ZNF729: variants seen among roughly 807,000 people sequenced by gnomAD.
The protein encoded by ZNF729 is zinc finger protein 729.
In ZNF729, 15 loss-of-function variants were observed where a neutral mutation model predicts 12.2. That is an observed-to-expected ratio of 1.23 (90% CI 0.82 to 1.89). ZNF729 has a LOEUF of 1.89. Among genes scored for constraint, ZNF729 ranks in the 40% most tolerant of loss-of-function variants. ZNF729 has a pLI of 0.00. For synonymous variants in ZNF729, 492 were observed against 476.3 expected (o/e 1.03, Z -0.43); for missense variants, 1,540 against 1,456.7 (o/e 1.06, Z -0.93).
chr19:22,289,829 C>A (rs1473655216), intron 1 of ZNF729, among the ~76,000 whole-genome samples: 1 of 152,122 alleles, frequency 6.6e-6, no homozygotes, highest in Non-Finnish European at 1.5e-5. Context: ...GAGTTTCATG[C>A]TAAATTTTAT....
At chr19:22,311,987 T>G (rs1038843379) in intron 3 of ZNF729, among the ~76,000 whole-genome samples, 1 of 152,198 alleles carries the variant, frequency 6.6e-6, no homozygotes, top group Non-Finnish European at 1.5e-5. Context: ...TAAAGTATAT[T>G]TTGTCATATG....
chr19:22,286,579 C>G, intron 1 of ZNF729, 24 bp downstream of exon 1: 1 of 1,613,948 alleles, frequency 6.2e-7, no homozygotes, highest in Non-Finnish European at 8.5e-7. Flanking sequence ...GTCCGACATC[C>G]CGAGAAGGGG....
chr19:22,290,800 T>C (rs1339544648), intron 1 of ZNF729, among the ~76,000 whole-genome samples: 1 of 152,150 alleles, frequency 6.6e-6, no homozygotes, highest in Non-Finnish European at 1.5e-5. Context: ...TGTCTGGCTA[T>C]GTGACAGGTA....
At chr19:22,308,718 TG>T (rs757237771) in intron 3 of ZNF729, among the ~76,000 whole-genome samples, 16 of 152,268 alleles carry the variant, frequency 1.1e-4, no homozygotes, top group South Asian at 2.1e-4. Flanking sequence ...TTGATGGGAT[TG>T]TTTTTTTTCT....
At chr19:22,293,667 T>C (rs745701958) in intron 1 of ZNF729, among the ~76,000 whole-genome samples, 10 of 151,582 alleles carry the variant, frequency 6.6e-5, no homozygotes, top group Admixed American at 1.3e-4. Context: ...TAATTTTTTG[T>C]ATTTTTAGTA....
chr19:22,308,404 G>A (rs932680110), intron 3 of ZNF729, among the ~76,000 whole-genome samples: 2 of 152,170 alleles, frequency 1.3e-5, no homozygotes, highest in Admixed American at 6.5e-5. Flanking sequence ...GGACTGCTGG[G>A]TCAAATGGTA....
intron 1 of ZNF729, among the ~76,000 whole-genome samples, chr19:22,298,249 T>G (rs944849939): frequency 6.6e-6 from 1 of 152,128 alleles, no homozygotes; most frequent in Non-Finnish European, 1.5e-5. Context: ...GAATACTCAT[T>G]AAATAGTCAT....
rs1288200626 is a variant in ZNF729 at position 22,314,697 on chromosome 19, C to A, written c.1280C>A (p.Thr427Asn). ...STLKKHKIIHTGKKPYKCEEC... is the reference protein window; with the variant it reads ...STLKKHKIIHNGKKPYKCEEC... ...CTTAAAAAACATAAGATAATTCATA[C>A]TGGAAAGAAACCCTACAAATGTGAA... Residue 427 changes from threonine to asparagine, a missense_variant, in exon 4 of 4, where the codon ACT becomes AAT. Transcript: ENST00000601693. 1.2e-6 allele frequency: 2 copies of A among 1,612,858 alleles called. No homozygotes were observed. The highest frequency in any genetic ancestry group is 3.3e-5 in the Admixed American group (2 of 59,984).
chr19:22,294,982 T>A (rs1452731446), intron 1 of ZNF729, among the ~76,000 whole-genome samples: 1 of 151,894 alleles, frequency 6.6e-6, no homozygotes, highest in African/African-American at 2.4e-5. Context: ...AGCAGTGTTT[T>A]GTGATTCTTG....
chr19:22,298,084 C>T (rs1042737201), intron 1 of ZNF729, among the ~76,000 whole-genome samples: 2 of 149,896 alleles, frequency 1.3e-5, no homozygotes, highest in African/African-American at 4.9e-5. Flanking sequence ...ATGATAAAAG[C>T]TGAAAGATAC....
chr19:22,288,797 T>C (rs959310575), intron 1 of ZNF729, among the ~76,000 whole-genome samples: 30 of 151,464 alleles, frequency 2.0e-4, no homozygotes, highest in African/African-American at 7.3e-4. Context: ...GGCAAAACAA[T>C]AGGGAAAGAA....
At position 22,314,157 on chromosome 19, in the gene ZNF729, T is replaced by A; in HGVS notation, c.740T>A (p.Phe247Tyr). 2.6e-6 allele frequency: 4 copies of A among 1,565,870 alleles called. No individual in the cohort carries two copies. Among genetic ancestry groups the A allele is most frequent in the Non-Finnish European group, 2.6e-6 (3 of 1,156,596 alleles). The stretch of plus-strand genomic sequence containing the variant: ...AAGAAATGTGGCAATGCCTTTAAAT[T>A]TTCTTCAACGTTCACTAAACATAAG... ...KYKKCGNAFKFSSTFTKHKRI... is the reference protein window; with the variant it reads ...KYKKCGNAFKYSSTFTKHKRI... The change falls in exon 4 of 4, where the codon TTT becomes TAT. Residue 247 changes from phenylalanine (F) to tyrosine (Y), a missense_variant. By Grantham distance (22) the Phe-to-Tyr change is conservative (BLOSUM62 3). Transcript: ENST00000601693.
intron 1 of ZNF729, among the ~76,000 whole-genome samples, chr19:22,302,736 A>T (rs1968328956): frequency 6.6e-6 from 1 of 152,308 alleles, no homozygotes; most frequent in African/African-American, 2.4e-5. Context: ...CTGTTTTTGG[A>T]GGCCTTATTT....
At chr19:22,291,587 T>TAAAC (rs1568570460) in intron 1 of ZNF729, among the ~76,000 whole-genome samples, 19 of 152,314 alleles carry the variant, frequency 1.2e-4, no homozygotes, top group African/African-American at 4.6e-4. Context: ...AACCTGGGGT[T>TAAAC]CTGGACAACC....
At chr19:22,287,527 A>G (rs1968095633) in intron 1 of ZNF729, among the ~76,000 whole-genome samples, 2 of 152,088 alleles carry the variant, frequency 1.3e-5, no homozygotes, top group Admixed American at 6.6e-5. Flanking sequence ...TCGGCCTCCT[A>G]AAGTGCTGGG....
intron 1 of ZNF729, among the ~76,000 whole-genome samples, chr19:22,286,821 G>T (rs1316944016): frequency 2.6e-5 from 4 of 152,204 alleles, no homozygotes; most frequent in Non-Finnish European, 4.4e-5. Context: ...GCATGGCCGC[G>T]TCTCTCCGAG....
chr19:22,294,181 A>C (rs558075383), intron 1 of ZNF729, among the ~76,000 whole-genome samples: 1 of 152,234 alleles, frequency 6.6e-6, no homozygotes, highest in Admixed American at 6.5e-5. Flanking sequence ...TCAATTTTCT[A>C]CACAGTGCTA....
chr19:22,301,979 A>G (rs1968313114), intron 1 of ZNF729, among the ~76,000 whole-genome samples: 1 of 152,312 alleles, frequency 6.6e-6, no homozygotes, highest in African/African-American at 2.4e-5. Flanking sequence ...ATTAGCCCAG[A>G]GTCACTGGAA....
At chr19:22,301,684 AC>A (rs1968307426) in intron 1 of ZNF729, among the ~76,000 whole-genome samples, 1 of 152,306 alleles carries the variant, frequency 6.6e-6, no homozygotes, top group Non-Finnish European at 1.5e-5. Context: ...GTGACCTGTT[AC>A]AGGTATGTGA....
Sources: allele counts gnomAD v4.1 joint callset (sites outside exome capture counted in the v4.1 genomes callset), GRCh38; gene constraint gnomAD v4.1.1; transcripts MANE v1.5; gene names NCBI Gene and HGNC (gene_info 2026-07-23, HGNC 2026-07-21).